Variants in RRAGD observed in about 807,000 individuals in gnomAD.
RRAGD encodes the protein ras-related GTP-binding protein D.
In RRAGD, 12 loss-of-function variants were observed where a neutral mutation model predicts 35.5. The ratio of observed to expected loss-of-function variants is 0.34; its 90% CI spans 0.22 to 0.55. RRAGD has a LOEUF of 0.55. RRAGD is among the 20% of genes least tolerant of loss of function. The probability of loss-of-function intolerance (pLI) is 0.91; values close to 1 mark genes in which losing one functional copy is unlikely to be tolerated. For synonymous variants in RRAGD, 155 were observed against 178.9 expected (o/e 0.87, Z 1.07); for missense variants, 324 against 490.1 (o/e 0.66, Z 3.20).
chr6:89,378,364 A>G (rs1248505034), intron 4 of RRAGD, among the ~76,000 whole-genome samples: 3 of 152,354 alleles, frequency 2.0e-5, no homozygotes, highest in East Asian at 1.9e-4. Flanking sequence ...AAATTGAGCA[A>G]TATTTCCTAA....
intron 1 of RRAGD, among the ~76,000 whole-genome samples, chr6:89,392,344 G>A (rs1411095316): frequency 6.6e-6 from 1 of 151,916 alleles, no homozygotes; most frequent in African/African-American, 2.4e-5. Context: ...GCTGGGCATG[G>A]TGGCATGCAG....
At chr6:89,376,300 GGTGTGTGT>G (rs34484330) in intron 5 of RRAGD, among the ~76,000 whole-genome samples, 79,987 of 141,748 alleles carry the variant, frequency 0.56, 21,388 homozygotes, top group African/African-American at 0.65. Flanking sequence ...ATGTGTGTGT[GGTGTGTGT>G]GTGTGTGTGT....
At chr6:89,392,567 T>C (rs1219233607) in intron 1 of RRAGD, among the ~76,000 whole-genome samples, 1 of 152,090 alleles carries the variant, frequency 6.6e-6, no homozygotes, top group Non-Finnish European at 1.5e-5. Context: ...TAACTATACC[T>C]CATCATGTCT....
chr6:89,405,393 AAGTGATGGCAAATGGAAT>A (rs1289978794), intron 1 of RRAGD, among the ~76,000 whole-genome samples: 2 of 150,816 alleles, frequency 1.3e-5, no homozygotes, highest in African/African-American at 4.9e-5. Context: ...CATAGTGGCG[AAGTGATGGCAAATGGAAT>A]GGTTGAAAAA....
chr6:89,392,242 G>A (rs62415407), intron 1 of RRAGD, among the ~76,000 whole-genome samples: 2,409 of 152,188 alleles, frequency 0.016, 37 homozygotes, highest in Non-Finnish European at 0.025. Flanking sequence ...GGAAGGCTGA[G>A]GTGGGAGGAT....
Position 89,372,455 on chromosome 6 carries a change from CCT to C in RRAGD, c.1031_1032del (p.Glu344GlyfsTer4). ...AAGTTACCTTTTCTTTCAAAGCTTT[CCT>C]CTCTGACAAAGCAAACGAGAGCCAG... is the stretch of plus-strand genomic sequence containing the variant. ...KFLALVCFVR[E>X]ESFERKGLID... On this transcript the variant is annotated frameshift_variant, in exon 6 of 7. Transcript: ENST00000369415. LOFTEE classifies it high-confidence loss of function. 6.2e-7 allele frequency: 1 copy of C among 1,613,472 alleles called. No homozygotes were observed. Among genetic ancestry groups the C allele is most frequent in the Non-Finnish European group, 8.5e-7 (1 of 1,179,802 alleles).
intron 1 of RRAGD, among the ~76,000 whole-genome samples, chr6:89,401,082 C>A (rs1219789352): frequency 1.3e-5 from 2 of 152,090 alleles, no homozygotes; most frequent in African/African-American, 4.8e-5. Flanking sequence ...GTTCTAGGCA[C>A]TGAGAGAGGC....
chr6:89,400,058 T>A (rs1435686270), intron 1 of RRAGD, among the ~76,000 whole-genome samples: 2 of 152,208 alleles, frequency 1.3e-5, no homozygotes, highest in African/African-American at 4.8e-5. Flanking sequence ...CAGCTCTGTT[T>A]GTAACATTTA....
chr6:89,375,612 T>A (rs890742702), intron 5 of RRAGD, among the ~76,000 whole-genome samples: 11 of 152,184 alleles, frequency 7.2e-5, no homozygotes, highest in African/African-American at 2.7e-4. Context: ...CAGCAAGGCC[T>A]CCAGTTACAA....
intron 1 of RRAGD, among the ~76,000 whole-genome samples, chr6:89,400,027 C>A (rs2127896088): frequency 6.6e-6 from 1 of 152,060 alleles, no homozygotes; most frequent in Middle Eastern, 3.4e-3. Context: ...GGAGTGCTCA[C>A]CCAGAACCTT....
At chr6:89,387,786 A>G (rs1769161399) in intron 1 of RRAGD, among the ~76,000 whole-genome samples, 196 bp from the exon 2 acceptor site, 1 of 152,082 alleles carries the variant, frequency 6.6e-6, no homozygotes, top group Non-Finnish European at 1.5e-5. Flanking sequence ...GCTGGTCTAT[A>G]CTTCCCACCA....
chr6:89,389,488 G>A (rs1984846), intron 1 of RRAGD, among the ~76,000 whole-genome samples: 13,256 of 150,428 alleles, frequency 0.088, 660 homozygotes, highest in Non-Finnish European at 0.11. Context: ...CCTGGGAGGC[G>A]GAGCTTGCAG....
intron 1 of RRAGD, among the ~76,000 whole-genome samples, chr6:89,396,898 T>C (rs1745771144): frequency 6.6e-6 from 1 of 151,544 alleles, no homozygotes; most frequent in Admixed American, 6.6e-5. Context: ...TGCACCACCA[T>C]GTTCGGCTAA....
chr6:89,411,408 C>CGGTG lies in RRAGD; in HGVS notation c.148+437_148+438insCACC. On this transcript the variant is annotated intron_variant, in intron 1 of 6. Coordinates refer to ENST00000369415, the MANE Select transcript of RRAGD (RefSeq NM_021244.5). This position sits in a 1 kb window ranked among gnomAD's most constrained non-coding sequence, Gnocchi z 5.6. The stretch of plus-strand genomic sequence containing the variant: ...CTGCCGACGACCCTGCCAGTCACGC[C>CGGTG]GCCGCCGGCTGCCTTTTTTTAGCCA... The CGGTG allele has an allele frequency of 6.5e-6, 1 of 154,978 alleles. No homozygotes were observed. Among genetic ancestry groups the CGGTG allele is most frequent in the South Asian group, 2.1e-4 (1 of 4,866 alleles). 9.6% of individuals were successfully genotyped at this position (154,978 alleles called of 1,614,324 possible).
intron 2 of RRAGD, among the ~76,000 whole-genome samples, chr6:89,385,266 T>G (rs1769120674): frequency 6.6e-6 from 1 of 152,200 alleles, no homozygotes; most frequent in South Asian, 2.1e-4. Context: ...CACAACGTGG[T>G]ATTTAAGTAA....
rs1240731257 is a variant in RRAGD at position 89,367,315 on chromosome 6, G to C, written c.*741C>G. 1 of 152,110 alleles carries C rather than the reference G, an allele frequency of 6.6e-6. No individual in the cohort carries two copies. Among genetic ancestry groups the C allele is most frequent in the Non-Finnish European group, 1.5e-5 (1 of 68,014 alleles). The allele number at this position is 152,110 out of a possible 1,614,324, so 9.4% of individuals were successfully genotyped here. A position where few individuals can be genotyped will look rare whatever the true frequency, so the allele number is the denominator to read the frequency against. On this transcript the variant is annotated 3_prime_UTR_variant, in exon 7 of 7. Transcript: ENST00000369415. ...GAAATCTGGTCCCAAAGTTTCAAAA[G>C]AATACTAATGCAACAAAAAGAAATA...
intron 6 of RRAGD, among the ~76,000 whole-genome samples, chr6:89,371,531 A>G (rs919585805): frequency 6.6e-6 from 1 of 152,172 alleles, no homozygotes; most frequent in Non-Finnish European, 1.5e-5. Context: ...CAGAAATTTA[A>G]CATGGGTTTA....
intron 1 of RRAGD, among the ~76,000 whole-genome samples, chr6:89,408,393 C>T (rs1769626798): frequency 1.3e-5 from 2 of 152,104 alleles, no homozygotes; most frequent in African/African-American, 4.8e-5. Context: ...GTCATGCATG[C>T]CTATAATCCT....
rs1769717506 is a variant in RRAGD at position 89,412,111 on chromosome 6, G to GCCCGGCGGAAGCGGGGGCCGCGCGTCC, written c.-145_-119dup. The GCCCGGCGGAAGCGGGGGCCGCGCGTCC allele has an allele frequency of 9.8e-7, 1 of 1,016,252 alleles. No individual in the cohort carries two copies. Among genetic ancestry groups the GCCCGGCGGAAGCGGGGGCCGCGCGTCC allele is most frequent in the African/African-American group, 1.7e-5 (1 of 59,376 alleles). The allele number at this position is 1,016,252 out of a possible 1,614,324, so 63.0% of individuals were successfully genotyped here. On this transcript the variant is annotated 5_prime_UTR_variant, in exon 1 of 7. Transcript: ENST00000369415. The surrounding 1 kb of genome is among the most constrained non-coding windows in gnomAD (Gnocchi z 4.2). ...GGAGGTTTGTCTAGAGCTCAGCGGG[G>GCCCGGCGGAAGCGGGGGCCGCGCGTCC]CCCGGCGGAAGCGGGGGCCGCGCGT... is the stretch of plus-strand genomic sequence containing the variant.
Sources: allele counts gnomAD v4.1 joint callset (sites outside exome capture counted in the v4.1 genomes callset), GRCh38; gene constraint gnomAD v4.1.1; non-coding constraint Gnocchi (gnomAD v3.1); transcripts MANE v1.5; gene names NCBI Gene and HGNC (gene_info 2026-07-23, HGNC 2026-07-21).